The following TMEM131 variants were observed in gnomAD, a reference collection of about 807,000 sequenced individuals.
TMEM131 encodes transmembrane protein 131.
In TMEM131, 66 loss-of-function variants were observed where a neutral mutation model predicts 211.6. The ratio of observed to expected loss-of-function variants is 0.31; its 90% CI spans 0.26 to 0.38. The LOEUF (loss-of-function observed/expected upper bound fraction) is 0.38. Among genes scored for constraint, TMEM131 ranks in the 10% least tolerant of loss-of-function variants. TMEM131 has a pLI of 1.00. For synonymous variants in TMEM131, 844 were observed against 841.3 expected (o/e 1.00, Z -0.06); for missense variants, 2,036 against 2,299.3 (o/e 0.89, Z 2.34).
At position 97,913,411 on chromosome 2, in the gene TMEM131, A is replaced by G. The variant is rs1214187960; in HGVS notation, c.250-4713T>C. 2.0e-5 allele frequency among the ~76,000 whole-genome samples: 3 copies of G among 152,198 alleles called. No homozygotes were observed. In the East Asian group the frequency reaches 5.8e-4, roughly 29 times the overall value. ...TCCAGTGGTCCTTGCAGTTCTTAAC[A>G]CACTGGAGATAAATACAGAATTCAT... On this transcript the variant is annotated intron_variant, in intron 2 of 40. Coordinates refer to ENST00000186436, the MANE Select transcript of TMEM131 (RefSeq NM_015348.2).
Position 97,844,248 on chromosome 2 carries a change from C to T in TMEM131, c.497G>A (p.Gly166Glu). 1 of 1,276,494 alleles carries T rather than the reference C, an allele frequency of 7.8e-7. No individual in the cohort carries two copies. The highest frequency in any genetic ancestry group is 2.2e-5 in the South Asian group (1 of 45,624). 79.1% of individuals were successfully genotyped at this position (1,276,494 alleles called of 1,614,324 possible). Residue 166 changes from glycine to glutamate, a missense_variant, in exon 6 of 41, where the codon GGA (glycine) becomes GAA (glutamate). Gly to Glu is a moderately conservative substitution (Grantham distance 98). Coordinates refer to ENST00000186436, the MANE Select transcript of TMEM131 (RefSeq NM_015348.2). ...AACTACATCAAATGATGTATTTCCT[C>T]CTGGAAGAATTTTCTGAAACAGAAA... ...SFFQNRKILP[G>E]GNTSFDVVFL...
chr2:97,885,253 A>G (rs1010054204), intron 4 of TMEM131, among the ~76,000 whole-genome samples: 1 of 149,868 alleles, frequency 6.7e-6, no homozygotes, highest in African/African-American at 2.5e-5. Context: ...CCTGGAGGGC[A>G]GTGGCGCGAT....
chr2:97,966,695 G>C (rs1379400477), intron 1 of TMEM131, among the ~76,000 whole-genome samples: 1 of 152,138 alleles, frequency 6.6e-6, no homozygotes, highest in African/African-American at 2.4e-5. Flanking sequence ...ACAAGAGCTA[G>C]CACTAATCCA....
At chr2:97,925,356 C>CA (rs1676938929) in intron 2 of TMEM131, among the ~76,000 whole-genome samples, 1 of 152,156 alleles carries the variant, frequency 6.6e-6, no homozygotes, top group East Asian at 1.9e-4. Context: ...CTGACCAGGG[C>CA]ATCCTGTGGT....
intron 3 of TMEM131, among the ~76,000 whole-genome samples, chr2:97,897,316 A>C (rs1363862063): frequency 6.6e-6 from 1 of 152,030 alleles, no homozygotes; most frequent in African/African-American, 2.4e-5. Context: ...ACAATGTTTA[A>C]TGTAAGTGAT....
At chr2:97,827,619 T>C in intron 11 of TMEM131, 2 of 943,622 alleles carry the variant, frequency 2.1e-6, no homozygotes, top group Non-Finnish European at 3.4e-6. Flanking sequence ...AATATTTTTA[T>C]CAACTATTTT....
chr2:97,932,422 T>C (rs1677267541), intron 1 of TMEM131, among the ~76,000 whole-genome samples: 1 of 152,172 alleles, frequency 6.6e-6, no homozygotes, highest in African/African-American at 2.4e-5. Context: ...ATATAAACCA[T>C]ATTTTAATTT....
At chr2:97,854,249 A>G (rs1055611303) in intron 5 of TMEM131, among the ~76,000 whole-genome samples, 1 of 152,240 alleles carries the variant, frequency 6.6e-6, no homozygotes, top group Non-Finnish European at 1.5e-5. Context: ...AGCAGTTTTT[A>G]GCAATAAAGT....
chr2:97,933,522 A>T, intron 1 of TMEM131, among the ~76,000 whole-genome samples: 1 of 152,184 alleles, frequency 6.6e-6, no homozygotes, highest in East Asian at 1.9e-4. Flanking sequence ...AGGGTAATGA[A>T]AAAAGAATGG....
chr2:97,836,542 T>C (rs1201377424), intron 8 of TMEM131, among the ~76,000 whole-genome samples: 1 of 152,236 alleles, frequency 6.6e-6, no homozygotes, highest in Non-Finnish European at 1.5e-5. Context: ...TTGGTTAATA[T>C]TGTTAAATAT....
chr2:97,757,876 G>A (rs1414930967), intron 40 of TMEM131, among the ~76,000 whole-genome samples: 1 of 152,184 alleles, frequency 6.6e-6, no homozygotes. Flanking sequence ...TAGAAAGTTT[G>A]CTGACTCCCA....
intron 11 of TMEM131, among the ~76,000 whole-genome samples, chr2:97,828,897 G>A (rs142847708): frequency 3.2e-4 from 48 of 152,308 alleles, no homozygotes; most frequent in African/African-American, 1.1e-3. Context: ...TTTGGGCCCT[G>A]TATTTTTAAT....
intron 5 of TMEM131, among the ~76,000 whole-genome samples, chr2:97,845,500 G>A (rs966940035): frequency 2.0e-5 from 3 of 152,108 alleles, no homozygotes; most frequent in African/African-American, 7.2e-5. Context: ...CGGGTGAAAT[G>A]AGTAGTAACA....
chr2:97,823,645 G>C (rs757685970), intron 11 of TMEM131, among the ~76,000 whole-genome samples: 2 of 152,146 alleles, frequency 1.3e-5, no homozygotes, highest in Non-Finnish European at 2.9e-5. Flanking sequence ...AAGATCATGG[G>C]GACTGGAGTT....
chr2:97,793,260 C>T, intron 30 of TMEM131, 135 bp downstream of exon 30: 1 of 887,850 alleles, frequency 1.1e-6, no homozygotes, highest in Non-Finnish European at 1.7e-6. Flanking sequence ...GAGTTCCATA[C>T]AGGGTGTTAT....
intron 1 of TMEM131, among the ~76,000 whole-genome samples, chr2:97,942,010 A>G (rs1381135668): frequency 6.6e-6 from 1 of 152,164 alleles, no homozygotes; most frequent in Non-Finnish European, 1.5e-5. Context: ...ATGCTGCTAT[A>G]AAGACACATG....
intron 1 of TMEM131, among the ~76,000 whole-genome samples, chr2:97,955,371 G>T (rs1678521219): frequency 6.6e-6 from 1 of 152,116 alleles, no homozygotes; most frequent in African/African-American, 2.4e-5. Flanking sequence ...AATGGTGAAA[G>T]AATGGTTTTC....
intron 5 of TMEM131, among the ~76,000 whole-genome samples, chr2:97,854,624 C>T (rs1170029285): frequency 1.3e-5 from 2 of 152,180 alleles, no homozygotes; most frequent in African/African-American, 4.8e-5. Context: ...CCTTTGATGG[C>T]TTTCCACATC....
intron 15 of TMEM131, 64 bp downstream of exon 15, chr2:97,813,907 T>A: frequency 7.7e-7 from 1 of 1,292,962 alleles, no homozygotes; most frequent in Non-Finnish European, 1.1e-6. Flanking sequence ...GACTGCCTAA[T>A]AAGATCTGAA....
Sources: gnomAD v4.1 joint callset for allele counts (sites outside exome capture counted in the v4.1 genomes callset) on GRCh38, gnomAD v4.1.1 for gene constraint, MANE v1.5 for transcripts, NCBI Gene and HGNC (gene_info 2026-07-23, HGNC 2026-07-21) for gene names.